Variants in GPC3 observed in about 807,000 individuals in gnomAD.
The protein encoded by GPC3 is glypican 3, also known as glypican-3.
A neutral mutation model predicts 34.4 loss-of-function variants in GPC3; 3 were observed. That is an observed-to-expected ratio of 0.09 (90% CI 0.04 to 0.23). The LOEUF is 0.23. Among genes scored for constraint, GPC3 ranks in the 10% least tolerant of loss-of-function variants. The pLI is 1.00. For missense variants in GPC3, 351 were observed against 445.6 expected, an observed-to-expected ratio of 0.79 and a Z score of 1.91; for synonymous variants, 177 against 174.0, an observed-to-expected ratio of 1.02 and a Z score of -0.13.
chrX:133,681,778 A>G (rs967503205), intron 5 of GPC3, among the ~76,000 whole-genome samples: 1 of 112,296 alleles, frequency 8.9e-6, no homozygotes, highest in Non-Finnish European at 1.9e-5. Flanking sequence ...GTCCACTTTC[A>G]CTGATGCTCA....
At position 133,784,808 on chromosome X, in the gene GPC3, T is replaced by TGGAA. The variant is rs764520320; in HGVS notation, c.338-30633_338-30632insTTCC. Reference sequence around the variant, plus strand: ...TGTGCAACCATCACCACCATCTGATTCCAGAACATTTTCATCACTTCCAAA... The same window carrying TGGAA: ...TGTGCAACCATCACCACCATCTGATTGGAACCAGAACATTTTCATCACTTCCAAA... On this transcript the variant is annotated intron_variant, in intron 2 of 7. Transcript: ENST00000370818. Among the ~76,000 whole-genome samples, 79 of 112,167 alleles carry TGGAA rather than the reference T, an allele frequency of 7.0e-4. 1 individual carries two copies. In the South Asian group the frequency reaches 0.029, roughly 41 times the overall value.
At chrX:133,719,676 CTATAT>C (rs1030971045) in intron 3 of GPC3, among the ~76,000 whole-genome samples, 1 of 111,013 alleles carries the variant, frequency 9.0e-6, no homozygotes, top group African/African-American at 3.3e-5. Context: ...CTGTAAATGC[CTATAT>C]TAAAGAGAAG....
At chrX:133,900,081 G>A (rs766745803) in intron 2 of GPC3, among the ~76,000 whole-genome samples, 1 of 112,033 alleles carries the variant, frequency 8.9e-6, no homozygotes, top group East Asian at 2.8e-4. Context: ...GGGATTACAG[G>A]CATGAGCCAC....
At chrX:133,949,436 G>A (rs376556088) in intron 2 of GPC3, among the ~76,000 whole-genome samples, 1 of 111,218 alleles carries the variant, frequency 9.0e-6, no homozygotes, top group African/African-American at 3.3e-5. Flanking sequence ...CCAAGACTAC[G>A]CATAAACATG....
intron 6 of GPC3, among the ~76,000 whole-genome samples, chrX:133,626,862 A>G (rs1432779641): frequency 9.2e-6 from 1 of 108,176 alleles, no homozygotes; most frequent in East Asian, 2.9e-4. Flanking sequence ...AGACACATGC[A>G]CACGTATGTT....
intron 2 of GPC3, among the ~76,000 whole-genome samples, chrX:133,896,354 T>C (rs1330302735): frequency 2.1e-5 from 2 of 93,158 alleles, no homozygotes; most frequent in Non-Finnish European, 4.3e-5. Context: ...GAGTGAGAGA[T>C]TGTCTCAGAA....
chrX:133,668,201 C>T (rs2070788618), intron 5 of GPC3, among the ~76,000 whole-genome samples: 1 of 111,440 alleles, frequency 9.0e-6, no homozygotes, highest in African/African-American at 3.3e-5. Flanking sequence ...GCCACCATGC[C>T]CGGCCCTATT....
intron 1 of GPC3, among the ~76,000 whole-genome samples, chrX:133,965,206 AC>A (rs1249975594): frequency 9.2e-6 from 1 of 109,071 alleles, no homozygotes; most frequent in African/African-American, 3.4e-5. Context: ...CATGTCCTAA[AC>A]CCTGGAACCT....
intron 2 of GPC3, among the ~76,000 whole-genome samples, chrX:133,862,372 T>C (rs2075940956): frequency 9.2e-6 from 1 of 109,065 alleles, no homozygotes; most frequent in Non-Finnish European, 1.9e-5. Flanking sequence ...ATGGCTGTAT[T>C]GCTTCCTTTA....
intron 5 of GPC3, among the ~76,000 whole-genome samples, chrX:133,673,427 CA>C (rs1215483874): frequency 3.6e-5 from 4 of 112,379 alleles, no homozygotes; most frequent in African/African-American, 1.3e-4. Flanking sequence ...TTACCTCCCC[CA>C]AATAGAATAG....
chrX:133,750,855 C>A (rs1323599153), intron 3 of GPC3, among the ~76,000 whole-genome samples: 1 of 109,621 alleles, frequency 9.1e-6, no homozygotes, highest in Non-Finnish European at 1.9e-5. Context: ...GGGTGGATCA[C>A]CTGAGGTCAG....
intron 6 of GPC3, among the ~76,000 whole-genome samples, chrX:133,648,522 C>A (rs1376048803): frequency 8.9e-6 from 1 of 111,743 alleles, no homozygotes; most frequent in Non-Finnish European, 1.9e-5. Flanking sequence ...TTTAAAACAT[C>A]CTTCACGCTG....
chrX:133,901,676 C>T (rs973646339), intron 2 of GPC3, among the ~76,000 whole-genome samples: 6 of 111,047 alleles, frequency 5.4e-5, no homozygotes, highest in East Asian at 2.8e-4. Flanking sequence ...CTTGACCTCG[C>T]GATCTGCCCG....
chrX:133,576,928 G>A (rs940951463), intron 7 of GPC3, among the ~76,000 whole-genome samples: 2 of 110,297 alleles, frequency 1.8e-5, no homozygotes, highest in African/African-American at 6.6e-5. Flanking sequence ...GCATGTTCAG[G>A]CAAAAATTGC....
At chrX:133,595,226 A>AT (rs1293900890) in intron 7 of GPC3, among the ~76,000 whole-genome samples, 1 of 111,502 alleles carries the variant, frequency 9.0e-6, no homozygotes, top group Non-Finnish European at 1.9e-5. Context: ...AAATAGGAAC[A>AT]TTTAGCATCT....
intron 2 of GPC3, among the ~76,000 whole-genome samples, chrX:133,880,032 G>A (rs2076034841): frequency 9.0e-6 from 1 of 111,351 alleles, no homozygotes; most frequent in Non-Finnish European, 1.9e-5. Flanking sequence ...ACTGTAAAAG[G>A]AAGACAAAAA....
intron 6 of GPC3, among the ~76,000 whole-genome samples, chrX:133,637,711 C>T (rs1356697953): frequency 1.8e-5 from 2 of 111,381 alleles, no homozygotes; most frequent in Non-Finnish European, 3.8e-5. Flanking sequence ...GGCTTGATCA[C>T]GGCTCACTGC....
At chrX:133,645,991 C>T (rs1190364897) in intron 6 of GPC3, among the ~76,000 whole-genome samples, 1 of 80,932 alleles carries the variant, frequency 1.2e-5, no homozygotes, top group Non-Finnish European at 2.5e-5. Flanking sequence ...AAAAGTTACA[C>T]AAAAAAAATT....
chrX:133,724,491 CTT>C (rs1283177187), intron 3 of GPC3, among the ~76,000 whole-genome samples: 8 of 111,638 alleles, frequency 7.2e-5, no homozygotes, highest in Non-Finnish European at 1.5e-4. Context: ...ATAATGAAGA[CTT>C]TGCTTGAAAT....
Sources: gnomAD v4.1 joint callset for allele counts (sites outside exome capture counted in the v4.1 genomes callset) on GRCh38, gnomAD v4.1.1 for gene constraint, MANE v1.5 for transcripts, NCBI Gene and HGNC (gene_info 2026-07-23, HGNC 2026-07-21) for gene names.